The following PC variants were observed in gnomAD, a reference collection of about 807,000 sequenced individuals.
The protein encoded by PC is pyruvate carboxylase.
Under a neutral mutation model 107.8 loss-of-function variants are expected in PC, and 46 were observed. The ratio of observed to expected loss-of-function variants is 0.43; its 90% confidence interval spans 0.34 to 0.55. The LOEUF (loss-of-function observed/expected upper bound fraction) is 0.55, where lower values mean the gene tolerates loss of function less well. Ranked by LOEUF, PC falls within the 20% of genes least tolerant of loss-of-function variation. The pLI, the probability that PC is intolerant of heterozygous loss-of-function variation, is 0.04. For synonymous variants in PC, 662 were observed against 684.7 expected, an observed-to-expected ratio of 0.97 and a Z score of 0.52; for missense variants, 1,241 against 1,643.1, an observed-to-expected ratio of 0.76 and a Z score of 4.23.
Position 66,871,900 on chromosome 11 carries a change from T to C in PC, c.137-29A>G. 1 of 1,601,140 alleles carries C rather than the reference T, an allele frequency of 6.2e-7. No individual in the cohort carries two copies. Among genetic ancestry groups the C allele is most frequent in the Non-Finnish European group, 8.5e-7 (1 of 1,176,388 alleles). Reference sequence around the variant, plus strand: ...GAGGGCAAAGAAACAAGAAGTTAGATTCCTAGGTCCTAGGAGAAGCAGAAA... The same window carrying C: ...GAGGGCAAAGAAACAAGAAGTTAGACTCCTAGGTCCTAGGAGAAGCAGAAA... On this transcript the variant is annotated intron_variant, in intron 4 of 22. Transcript: ENST00000393960. This position sits in a 1 kb window ranked among gnomAD's most constrained non-coding sequence, Gnocchi z 7.4.
At chr11:66,916,898 G>A (rs1032101465) in intron 3 of PC, among the ~76,000 whole-genome samples, 1 of 151,922 alleles carries the variant, frequency 6.6e-6, no homozygotes, top group Non-Finnish European at 1.5e-5. Context: ...AGTTTGTAGT[G>A]AGCCGAGACC....
chr11:66,907,322 G>A (rs889779270), intron 3 of PC, among the ~76,000 whole-genome samples: 2 of 152,188 alleles, frequency 1.3e-5, no homozygotes, highest in Non-Finnish European at 2.9e-5. Context: ...GAGGTCAGGA[G>A]TTCAAGACCA....
intron 3 of PC, among the ~76,000 whole-genome samples, chr11:66,921,583 G>A (rs926415296): frequency 6.6e-6 from 1 of 152,122 alleles, no homozygotes; most frequent in African/African-American, 2.4e-5. Context: ...TTGTTCTGGT[G>A]CAGGGGAAGG....
At position 66,954,249 on chromosome 11, in the gene PC, C is replaced by G. The variant is rs1949505609; in HGVS notation, c.-40G>C. On this transcript the variant is annotated splice_region_variant and 5_prime_UTR_variant, in exon 2 of 23. Transcript: ENST00000393960. ...TGGGGGCTGACACAGAAGAGGGTAC[C>G]TGCGGAGGCAAATGGAAGAAAGAGC... 1 of 152,190 alleles carries G rather than the reference C, an allele frequency of 6.6e-6. No homozygotes were observed. Among genetic ancestry groups the G allele is most frequent in the South Asian group, 2.1e-4 (1 of 4,838 alleles). The allele number at this position is 152,190 out of a possible 1,614,324, so 9.4% of individuals were successfully genotyped here. A position where few individuals can be genotyped will look rare whatever the true frequency, so the allele number is the denominator to read the frequency against.
Position 66,857,934 on chromosome 11 carries a change from G to A in PC, c.1369-4551C>T. 1 of 1,612,446 alleles carries A rather than the reference G, an allele frequency of 6.2e-7. No individual in the cohort carries two copies. The highest frequency in any genetic ancestry group is 8.5e-7 in the Non-Finnish European group (1 of 1,179,926). ...GGCTGACAACTTCATCCAGGCCCTG[G>A]GGCCCCCTGACTTCCGCAACATGAC... On this transcript the variant is annotated intron_variant, in intron 12 of 22. Coordinates refer to ENST00000393960, the MANE Select transcript of PC (RefSeq NM_001040716.2). This position sits in a 1 kb window ranked among gnomAD's most constrained non-coding sequence, Gnocchi z 7.1.
In PC at chr11:66,858,831, C is replaced by T. The variant is rs1259900771; in HGVS notation, c.1368+4943G>A. 1.9e-6 allele frequency: 3 copies of T among 1,550,880 alleles called. No homozygotes were observed. Among genetic ancestry groups the T allele is most frequent in the Non-Finnish European group, 2.6e-6 (3 of 1,148,696 alleles). ...CAACCCTGCTGGTGAGGCCACAGCC[C>T]GAGTAGAACTGCGGGTGCTGGCCTT... is the stretch of plus-strand genomic sequence containing the variant. On this transcript the variant is annotated intron_variant, in intron 12 of 22. Transcript: ENST00000393960. This position sits in a 1 kb window ranked among gnomAD's most constrained non-coding sequence, Gnocchi z 5.9.
chr11:66,858,084 G>T lies in PC; in HGVS notation c.1369-4701C>A. 6.2e-7 allele frequency: 1 copy of T among 1,609,224 alleles called. No homozygotes were observed. ...CAACAGGCTGGTGGAGCTGGGCACC[G>T]GGAGCCTCCGGGGCCCCGTCAATCT... On this transcript the variant is annotated intron_variant, in intron 12 of 22. Transcript: ENST00000393960. The surrounding 1 kb of genome is among the most constrained non-coding windows in gnomAD (Gnocchi z 5.9).
chr11:66,861,161 C>T (rs929700141), intron 12 of PC, among the ~76,000 whole-genome samples: 17 of 152,288 alleles, frequency 1.1e-4, no homozygotes, highest in African/African-American at 3.4e-4. Flanking sequence ...GGGAGGCAGC[C>T]GGATGGGCAC....
Position 66,871,340 on chromosome 11 carries a change from C to T in PC, c.462G>A (p.Glu154=), listed in dbSNP as rs1240619530. ...CCGCAGCAATGGCGATGGCCCGGGC[C>T]TCCACCTTGTCTCCCATCTTGCGGA... ...EVVRKMGDKV[E]ARAIAIAAGV... is the part of the protein sequence containing the mutation. The change falls in exon 6 of 23, where the codon GAG becomes GAA. Residue 154 remains glutamate, a synonymous_variant. Transcript: ENST00000393960. The surrounding 1 kb of genome is among the most constrained non-coding windows in gnomAD (Gnocchi z 7.4). The T allele has an allele frequency of 5.0e-6, 8 of 1,613,856 alleles. No homozygotes were observed. The highest frequency in any genetic ancestry group is 2.7e-5 in the African/African-American group (2 of 74,942).
At position 66,857,669 on chromosome 11, in the gene PC, G is replaced by A; in HGVS notation, c.1369-4286C>T. On this transcript the variant is annotated intron_variant, in intron 12 of 22. Coordinates refer to ENST00000393960, the MANE Select transcript of PC (RefSeq NM_001040716.2). This position sits in a 1 kb window ranked among gnomAD's most constrained non-coding sequence, Gnocchi z 7.1. ...CTCACAGAAGCTGGCTTCTGGGACT[G>A]TCCTGGGCCCAAGTGGGCACCTGCG... 2.0e-6 allele frequency: 3 copies of A among 1,479,342 alleles called. No individual in the cohort carries two copies. Among genetic ancestry groups the A allele is most frequent in the East Asian group, 2.4e-5 (1 of 42,158 alleles). 91.6% of individuals were successfully genotyped at this position (1,479,342 alleles called of 1,614,324 possible). A position where few individuals can be genotyped will look rare whatever the true frequency, so the allele number is the denominator to read the frequency against.
chr11:66,854,552 G>A (rs1447719605), intron 12 of PC, among the ~76,000 whole-genome samples: 2 of 152,188 alleles, frequency 1.3e-5, no homozygotes, highest in African/African-American at 2.4e-5. Flanking sequence ...TGACTTAAAC[G>A]GGGACATGCG....
intron 3 of PC, among the ~76,000 whole-genome samples, chr11:66,930,540 A>G (rs958463544): frequency 2.6e-5 from 4 of 152,090 alleles, no homozygotes; most frequent in African/African-American, 9.7e-5. Flanking sequence ...TCAGGAGTTC[A>G]AGACCAGCCT....
chr11:66,872,876 A>T (rs1247775004), intron 3 of PC, among the ~76,000 whole-genome samples: 1 of 151,496 alleles, frequency 6.6e-6, no homozygotes, highest in African/African-American at 2.4e-5. Flanking sequence ...CCTCTTACTA[A>T]AAATATAAAA....
chr11:66,925,149 G>A (rs1948684739), intron 3 of PC, among the ~76,000 whole-genome samples: 1 of 152,328 alleles, frequency 6.6e-6, no homozygotes, highest in African/African-American at 2.4e-5. Context: ...CAGGACCGGG[G>A]TGAAATTAAA....
intron 3 of PC, among the ~76,000 whole-genome samples, chr11:66,935,435 C>CA (rs1828223114): frequency 2.6e-5 from 4 of 152,202 alleles, no homozygotes; most frequent in African/African-American, 4.8e-5. Context: ...GGGAGAAGAG[C>CA]CCTGCCTTAG....
chr11:66,918,578 G>C (rs890685829), intron 3 of PC, among the ~76,000 whole-genome samples: 6 of 151,590 alleles, frequency 4.0e-5, no homozygotes, highest in Admixed American at 3.9e-4. Flanking sequence ...TCACCATGTT[G>C]GCCAGGATGG....
chr11:66,952,795 G>A (rs1457362705), intron 2 of PC, among the ~76,000 whole-genome samples: 4 of 152,102 alleles, frequency 2.6e-5, no homozygotes, highest in Admixed American at 6.6e-5. Flanking sequence ...CACCCACCTC[G>A]GCCTCCCAAA....
Position 66,852,597 on chromosome 11 carries a change from G to C in PC, c.1667C>G (p.Ala556Gly). The stretch of plus-strand genomic sequence containing the variant: ...CAGCAGCCCCGGGTGGTTCCGCACA[G>C]CTCGAGCAAAGCCCTCAGGCCCCTC... ...LREGPEGFAR[A>G]VRNHPGLLLM... The change falls in exon 15 of 23, where the codon GCT (alanine) becomes GGT (glycine). Residue 556 changes from alanine (A) to glycine (G), a missense_variant. Coordinates refer to ENST00000393960, the MANE Select transcript of PC (RefSeq NM_001040716.2). The surrounding 1 kb of genome is among the most constrained non-coding windows in gnomAD (Gnocchi z 4.7). 1.2e-6 allele frequency: 2 copies of C among 1,614,020 alleles called. No homozygotes were observed. Among genetic ancestry groups the C allele is most frequent in the Admixed American group, 1.7e-5 (1 of 60,032 alleles).
At chr11:66,924,830 G>A (rs1948675860) in intron 3 of PC, among the ~76,000 whole-genome samples, 1 of 152,184 alleles carries the variant, frequency 6.6e-6, no homozygotes, top group South Asian at 2.1e-4. Flanking sequence ...TGAAGGAGGG[G>A]AGGTATCGGG....
Sources: allele counts gnomAD v4.1 joint callset (sites outside exome capture counted in the v4.1 genomes callset), GRCh38; gene constraint gnomAD v4.1.1; non-coding constraint Gnocchi (gnomAD v3.1); transcripts MANE v1.5; gene names NCBI Gene and HGNC (gene_info 2026-07-23, HGNC 2026-07-21).